The following PDE11A variants were observed in gnomAD, a reference collection of about 807,000 sequenced individuals.
PDE11A encodes dual 3',5'-cyclic-AMP and -GMP phosphodiesterase 11A.
Under a neutral mutation model 100.5 loss-of-function variants are expected in PDE11A, and 100 were observed. The ratio of observed to expected loss-of-function variants is 1.00; its 90% CI spans 0.85 to 1.18. PDE11A has a LOEUF of 1.18. PDE11A is among the 50% of genes most tolerant of loss of function. PDE11A has a pLI of 0.00. For missense variants in PDE11A, 1,141 were observed against 1,152.6 expected (o/e 0.99, Z 0.15); for synonymous variants, 381 against 420.8 (o/e 0.91, Z 1.16).
At chr2:177,630,507 T>C (rs1347187008) in intron 19 of PDE11A, among the ~76,000 whole-genome samples, 1 of 152,194 alleles carries the variant, frequency 6.6e-6, no homozygotes, top group Non-Finnish European at 1.5e-5. Flanking sequence ...CCGAGGATTT[T>C]GTTTCTGAAC....
At chr2:178,080,937 G>C (rs1007877065) in intron 2 of PDE11A, among the ~76,000 whole-genome samples, 1 of 151,956 alleles carries the variant, frequency 6.6e-6, no homozygotes, top group Non-Finnish European at 1.5e-5. Flanking sequence ...AAAATATACT[G>C]TACAAGTTAT....
At chr2:177,944,819 T>TCCCTCTCCCTCA in intron 2 of PDE11A, among the ~76,000 whole-genome samples, 1 of 128,872 alleles carries the variant, frequency 7.8e-6, no homozygotes, top group African/African-American at 2.7e-5. Flanking sequence ...CCTCTCCCTC[T>TCCCTCTCCCTCA]CCCTCTCCCT....
intron 2 of PDE11A, among the ~76,000 whole-genome samples, chr2:177,964,868 T>C (rs1232129518): frequency 6.6e-6 from 1 of 152,212 alleles, no homozygotes; most frequent in Non-Finnish European, 1.5e-5. Context: ...ATGATTTCTA[T>C]TCCTTTGGGT....
chr2:177,830,744 C>T (rs772070149), intron 6 of PDE11A, among the ~76,000 whole-genome samples: 62 of 151,668 alleles, frequency 4.1e-4, no homozygotes, highest in Non-Finnish European at 5.9e-4. Context: ...TTCAGAAACA[C>T]ACATGGATAC....
At chr2:177,954,621 G>A in intron 2 of PDE11A, among the ~76,000 whole-genome samples, 1 of 152,198 alleles carries the variant, frequency 6.6e-6, no homozygotes, top group East Asian at 1.9e-4. Flanking sequence ...CCAGGGGGAA[G>A]AGAATCAAGT....
rs147765540 is a variant in PDE11A, at chr2:178,072,378, C to G, written c.60G>C (p.Glu20Asp). ...EVETFLDRHP[E>D]LFEDYLMRKG... Reference sequence around the variant, plus strand: ...TCCGCATCAAGTAATCTTCAAACAACTCTGGGTGCCTGTCCAGGAAAGTTT... The same window carrying G: ...TCCGCATCAAGTAATCTTCAAACAAGTCTGGGTGCCTGTCCAGGAAAGTTT... Residue 20 changes from glutamate to aspartate, a missense_variant, in exon 1 of 20, where the codon GAG becomes GAC. Physicochemically the swap from Glu to Asp is conservative, Grantham distance 45. Coordinates refer to ENST00000286063, the MANE Select transcript of PDE11A (RefSeq NM_016953.4). The G allele has an allele frequency of 1.2e-6, 2 of 1,613,908 alleles. No individual in the cohort carries two copies. Among genetic ancestry groups the G allele is most frequent in the South Asian group, 1.1e-5 (1 of 91,086 alleles).
chr2:177,877,113 G>A (rs1402916563), intron 4 of PDE11A, among the ~76,000 whole-genome samples: 1 of 147,308 alleles, frequency 6.8e-6, no homozygotes, highest in Non-Finnish European at 1.5e-5. Flanking sequence ...GTTTCTCTGA[G>A]CTCTGGAGGA....
intron 19 of PDE11A, among the ~76,000 whole-genome samples, chr2:177,651,267 A>T (rs1162178132): frequency 2.0e-5 from 3 of 152,232 alleles, no homozygotes; most frequent in Non-Finnish European, 4.4e-5. Context: ...TTGAGAGATG[A>T]TATTAATGAT....
chr2:177,751,494 G>A (rs963550325), intron 10 of PDE11A, among the ~76,000 whole-genome samples: 2 of 152,156 alleles, frequency 1.3e-5, no homozygotes, highest in African/African-American at 4.8e-5. Context: ...GCAGGTCCTG[G>A]AAGCCCCAGA....
intron 4 of PDE11A, among the ~76,000 whole-genome samples, chr2:177,884,364 C>T (rs909319739): frequency 6.6e-6 from 1 of 152,122 alleles, no homozygotes; most frequent in Admixed American, 6.6e-5. Flanking sequence ...CTGTGAAACC[C>T]CATCTTTTTC....
At chr2:177,910,432 A>C (rs111936055) in intron 2 of PDE11A, among the ~76,000 whole-genome samples, 50,614 of 148,190 alleles carry the variant, frequency 0.34, 9,825 homozygotes, top group African/African-American at 0.55. Flanking sequence ...CTCTCTCTAT[A>C]TATATATATA....
chr2:177,655,843 G>A (rs547249528), intron 19 of PDE11A, among the ~76,000 whole-genome samples: 39 of 152,126 alleles, frequency 2.6e-4, no homozygotes, highest in Admixed American at 3.9e-4. Flanking sequence ...ATAATTTCTC[G>A]AAATCATATG....
At chr2:177,818,528 T>A (rs116994614) in intron 7 of PDE11A, among the ~76,000 whole-genome samples, 8 of 152,034 alleles carry the variant, frequency 5.3e-5, no homozygotes, top group African/African-American at 1.9e-4. Context: ...AAGAAGGTTA[T>A]GAAGATTAAA....
intron 2 of PDE11A, among the ~76,000 whole-genome samples, chr2:178,013,726 C>T (rs2086299527): frequency 6.6e-6 from 1 of 152,132 alleles, no homozygotes; most frequent in Admixed American, 6.6e-5. Context: ...TTAATATAAA[C>T]TGGTAAATAA....
chr2:177,947,881 A>C (rs1213661804), intron 2 of PDE11A, among the ~76,000 whole-genome samples: 1 of 152,046 alleles, frequency 6.6e-6, no homozygotes, highest in Non-Finnish European at 1.5e-5. Context: ...AAAACACAGA[A>C]AAGCATGAGG....
At chr2:177,769,496 G>A (rs2082282746) in intron 9 of PDE11A, 123 bp from the exon 10 acceptor site, 2 of 663,230 alleles carry the variant, frequency 3.0e-6, no homozygotes, top group Non-Finnish European at 5.4e-6. Context: ...GGACTTTAAT[G>A]TATGACAAGA....
chr2:177,732,880 T>C (rs1350259791), intron 10 of PDE11A, among the ~76,000 whole-genome samples: 1 of 152,184 alleles, frequency 6.6e-6, no homozygotes, highest in Non-Finnish European at 1.5e-5. Flanking sequence ...CTTTCAAGAA[T>C]GACCATTTTC....
intron 1 of PDE11A, among the ~76,000 whole-genome samples, chr2:178,021,684 CA>C (rs1344509542): frequency 6.6e-6 from 1 of 152,132 alleles, no homozygotes; most frequent in Non-Finnish European, 1.5e-5. Context: ...TTACGGAACA[CA>C]ACAGCAGGGT....
chr2:177,928,689 C>A (rs1191525965), intron 2 of PDE11A, among the ~76,000 whole-genome samples: 1 of 152,088 alleles, frequency 6.6e-6, no homozygotes, highest in Non-Finnish European at 1.5e-5. Context: ...GGCAGGAGGA[C>A]TGCTTAAAAA....
Sources: gnomAD v4.1 joint callset for allele counts (sites outside exome capture counted in the v4.1 genomes callset) on GRCh38, gnomAD v4.1.1 for gene constraint, MANE v1.5 for transcripts, NCBI Gene and HGNC (gene_info 2026-07-23, HGNC 2026-07-21) for gene names.